ZMYM6: variants seen among roughly 807,000 people sequenced by gnomAD.
The protein encoded by ZMYM6 is zinc finger MYM-type containing 6.
Under a neutral mutation model 134.0 loss-of-function variants are expected in ZMYM6, and 90 were observed. The observed-to-expected ratio is 0.67, with a 90% CI of 0.57 to 0.80. The LOEUF is 0.80. Ranked by LOEUF, ZMYM6 falls within the 30% of genes least tolerant of loss-of-function variation. The pLI is 0.00. For missense variants in ZMYM6, 1,362 were observed against 1,533.9 expected (o/e 0.89, Z 1.87); for synonymous variants, 481 against 524.1 (o/e 0.92, Z 1.12).
intron 14 of ZMYM6, among the ~76,000 whole-genome samples, chr1:35,001,730 CAGTT>C (rs1450150225): frequency 1.3e-5 from 2 of 152,114 alleles, no homozygotes; most frequent in East Asian, 3.9e-4. Context: ...AACTTAATGA[CAGTT>C]AATTATCTAA....
chr1:34,996,240 T>C (rs1035536753), intron 14 of ZMYM6, among the ~76,000 whole-genome samples: 1 of 152,150 alleles, frequency 6.6e-6, no homozygotes, highest in African/African-American at 2.4e-5. Flanking sequence ...CAATAGAGTA[T>C]TACCATTTTG....
chr1:35,011,012 T>C lies in ZMYM6; in HGVS notation c.1087A>G (p.Thr363Ala). 4.3e-6 allele frequency: 7 copies of C among 1,613,812 alleles called. No homozygotes were observed. The highest frequency in any genetic ancestry group is 5.9e-6 in the Non-Finnish European group (7 of 1,179,990). ...FQNVFSKPKG[T>A]NSSAVPLSQG... ...GACAGGGGCACCGCCGAAGAGTTTG[T>C]TCCTTTTGGCTTGCTAAATACATTC... The change falls in exon 9 of 16, where the codon ACA (threonine) becomes GCA (alanine). Residue 363 changes from threonine to alanine, a missense_variant. By Grantham distance (58) the Thr-to-Ala change is moderately conservative (BLOSUM62 0). This residue lies in a region of ZMYM6 where 503 missense variants were observed against 520.8 expected (regional missense o/e 0.97). Transcript: ENST00000357182.
chr1:34,996,572 G>A (rs1399995916), intron 14 of ZMYM6, among the ~76,000 whole-genome samples: 2 of 152,156 alleles, frequency 1.3e-5, no homozygotes, highest in Non-Finnish European at 2.9e-5. Context: ...ACAAGTGTGT[G>A]TGTGTATGTG....
Position 34,988,084 on chromosome 1 carries a change from CT to C in ZMYM6, c.2997del (p.Val1000LeufsTer3). ...RYSGLKAKIQEVAMNTAAFTH... is the reference protein window; with the variant it reads ...RYSGLKAKIQXVAMNTAAFTH... ...GTAAATGCCGCTGTATTCATGGCAA[CT>C]TCTTGAATTTTTGCTTTTAAACCAG... On this transcript the variant is annotated frameshift_variant, in exon 16 of 16. Coordinates refer to ENST00000357182, the MANE Select transcript of ZMYM6 (RefSeq NM_007167.4). LOFTEE classifies it high-confidence loss of function. 1 of 1,551,468 alleles carries C rather than the reference CT, an allele frequency of 6.4e-7. No individual in the cohort carries two copies. The highest frequency in any genetic ancestry group is 1.2e-5 in the South Asian group (1 of 84,064).
rs1462889574 is a variant in ZMYM6, at chr1:34,992,704, AC to A, written c.1993-318del. 9.2e-3 allele frequency among the ~76,000 whole-genome samples: 1,299 copies of A among 141,114 alleles called. 141 individuals are homozygous for A. Among genetic ancestry groups the A allele is most frequent in the African/African-American group, 0.031 (1,120 of 36,208 alleles). 92.6% of individuals were successfully genotyped at this position (141,114 alleles called of 152,430 possible). A position where few individuals can be genotyped will look rare whatever the true frequency, so the allele number is the denominator to read the frequency against. ...TTTGTAAATATAAAAATAAAAATAT[AC>A]TTATAAACTATAAAAATAAAAATAT... is the stretch of plus-strand genomic sequence containing the variant. On this transcript the variant is annotated intron_variant, in intron 14 of 15. Transcript: ENST00000357182.
chr1:34,999,951 C>T (rs781140280), intron 14 of ZMYM6, among the ~76,000 whole-genome samples: 2 of 152,130 alleles, frequency 1.3e-5, no homozygotes, highest in African/African-American at 2.4e-5. Flanking sequence ...TATTTAGAGA[C>T]AGGGTCTCAC....
rs1401897721 is a variant in ZMYM6 at position 34,992,319 on chromosome 1, C to T, written c.2061G>A (p.Lys687=). The T allele has an allele frequency of 6.2e-7, 1 of 1,614,048 alleles. No homozygotes were observed. Among genetic ancestry groups the T allele is most frequent in the Non-Finnish European group, 8.5e-7 (1 of 1,179,964 alleles). Residue 687 remains lysine (K), a synonymous_variant, in exon 15 of 16, where the codon AAG becomes AAA. Transcript: ENST00000357182. The stretch of plus-strand genomic sequence containing the variant: ...CGGGTTTGCATGATATGCCTTTGTT[C>T]TTTAAAAGCCTGGAAGGCTGGGAAG... The part of the protein sequence containing the change: ...SQSSQPSRLL[K]NKGISCKPVT...
Position 35,019,445 on chromosome 1 carries a change from A to G in ZMYM6, c.336T>C (p.Thr112=). The part of the protein sequence containing the change: ...GQTAYHKTGS[T]QLFCSTRCIT... ...TGCATCGTGTGGAGCAGAAGAGCTGAGTAGATCCTGTCTTATGATATGCAG... is the reference window on the plus strand; with the variant it reads ...TGCATCGTGTGGAGCAGAAGAGCTGGGTAGATCCTGTCTTATGATATGCAG... Residue 112 remains threonine (T), a synonymous_variant, in exon 4 of 16, where the codon ACT becomes ACC. Coordinates refer to ENST00000357182, the MANE Select transcript of ZMYM6 (RefSeq NM_007167.4). 1.2e-6 allele frequency: 2 copies of G among 1,614,160 alleles called. No individual in the cohort carries two copies. The highest frequency in any genetic ancestry group is 1.7e-6 in the Non-Finnish European group (2 of 1,180,032).
intron 2 of ZMYM6, among the ~76,000 whole-genome samples, chr1:35,028,224 G>C (rs1430951086): frequency 6.6e-6 from 1 of 151,364 alleles, no homozygotes; most frequent in Admixed American, 6.6e-5. Context: ...GCTGAGGCAG[G>C]AGAATCGCTT....
At chr1:35,004,875 C>A (rs1012238139) in intron 13 of ZMYM6, among the ~76,000 whole-genome samples, 1 of 151,832 alleles carries the variant, frequency 6.6e-6, no homozygotes. Flanking sequence ...CTAGCCAACA[C>A]GGTGAAATCC....
At chr1:35,025,399 G>A (rs1471701583) in intron 2 of ZMYM6, among the ~76,000 whole-genome samples, 1 of 149,444 alleles carries the variant, frequency 6.7e-6, no homozygotes, top group Non-Finnish European at 1.5e-5. Context: ...CCCAGGAGGT[G>A]GAGGTTGCAG....
chr1:35,018,702 A>G (rs1007925597), intron 4 of ZMYM6: 10 of 152,410 alleles, frequency 6.6e-5, no homozygotes, highest in African/African-American at 2.4e-4. Flanking sequence ...GAGATAAATG[A>G]CAGAGCCACA....
chr1:35,016,944 G>A (rs1486232336), intron 4 of ZMYM6, among the ~76,000 whole-genome samples: 1 of 150,780 alleles, frequency 6.6e-6, no homozygotes, highest in Non-Finnish European at 1.5e-5. Flanking sequence ...GGTAGAGGCT[G>A]CAGTGAGCTG....
intron 2 of ZMYM6, among the ~76,000 whole-genome samples, chr1:35,026,479 A>G (rs1162551125): frequency 2.0e-5 from 3 of 152,252 alleles, no homozygotes; most frequent in Non-Finnish European, 4.4e-5. Flanking sequence ...ATCATAGTCT[A>G]TACCCTCAAT....
rs1303236407 is a variant in ZMYM6, at chr1:34,988,090, G to C, written c.2992C>G (p.Gln998Glu). 1.3e-6 allele frequency: 2 copies of C among 1,551,402 alleles called. No individual in the cohort carries two copies. ...GRYSGLKAKIQEVAMNTAAFT... is the reference protein window; with the variant it reads ...GRYSGLKAKIEEVAMNTAAFT... ...GCCGCTGTATTCATGGCAACTTCTT[G>C]AATTTTTGCTTTTAAACCAGAATAC... Residue 998 changes from glutamine to glutamate, a missense_variant, in exon 16 of 16, where the codon CAA (glutamine) becomes GAA (glutamate). Around this residue, in one of 3 missense-constraint regions of ZMYM6, gnomAD observed 824 missense variants for 940.9 expected, o/e 0.88. Transcript: ENST00000357182.
In ZMYM6 at chr1:34,990,292, A is replaced by G. The variant is rs191903574; in HGVS notation, c.2147-1357T>C. On this transcript the variant is annotated intron_variant, in intron 15 of 15. Transcript: ENST00000357182. ...TCACGAGTTTGAGACCAGCGTTGCCAACACTGTGAAATCCCGTCTCTACTA... is the reference window on the plus strand; with the variant it reads ...TCACGAGTTTGAGACCAGCGTTGCCGACACTGTGAAATCCCGTCTCTACTA... 8.8e-3 allele frequency: 2,430 copies of G among 276,644 alleles called. 12 individuals are homozygous for G. Among genetic ancestry groups the G allele is most frequent in the Middle Eastern group, 0.016 (13 of 804 alleles). The allele number at this position is 276,644 out of a possible 1,614,324, so 17.1% of individuals were successfully genotyped here.
intron 1 of ZMYM6, 28 bp downstream of exon 1, chr1:35,031,784 TCCC>T (rs1641532568): frequency 1.3e-5 from 2 of 152,446 alleles, no homozygotes; most frequent in Admixed American, 1.3e-4. Context: ...CGCCCCGCCG[TCCC>T]GCCCACTACC....
intron 6 of ZMYM6, among the ~76,000 whole-genome samples, chr1:35,014,445 AAAAAG>A (rs1477807860): frequency 9.2e-5 from 14 of 152,352 alleles, no homozygotes; most frequent in African/African-American, 2.6e-4. Context: ...TCGATTTCAA[AAAAAG>A]AAAAGAAATC....
intron 4 of ZMYM6, chr1:35,018,555 C>G (rs371767924): frequency 6.6e-6 from 1 of 151,600 alleles, no homozygotes; most frequent in Non-Finnish European, 1.5e-5. Context: ...TTAATAATAA[C>G]AGGATTCCAT....
Sources: gnomAD v4.1 joint callset for allele counts (sites outside exome capture counted in the v4.1 genomes callset) on GRCh38, gnomAD v4.1.1 for gene constraint, gnomAD v4.1.1 regional missense constraint, MANE v1.5 for transcripts, NCBI Gene and HGNC (gene_info 2026-07-23, HGNC 2026-07-21) for gene names.